FGGY: variants seen among roughly 807,000 people sequenced by gnomAD.
The protein encoded by FGGY is FGGY carbohydrate kinase domain containing.
In FGGY, 72 loss-of-function variants were observed where a neutral mutation model predicts 71.3. The observed-to-expected ratio is 1.01, with a 90% CI of 0.84 to 1.23. The LOEUF is 1.23. Ranked by LOEUF, FGGY falls within the 50% of genes most tolerant of loss-of-function variation. The probability of loss-of-function intolerance (pLI) is 0.00; values close to 1 mark genes in which losing one functional copy is unlikely to be tolerated. For synonymous variants in FGGY, 251 were observed against 250.3 expected, an observed-to-expected ratio of 1.00 and a Z score of -0.02; for missense variants, 668 against 682.3, an observed-to-expected ratio of 0.98 and a Z score of 0.23.
intron 6 of FGGY, among the ~76,000 whole-genome samples, chr1:59,460,285 C>G (rs1261600879): frequency 6.6e-6 from 1 of 152,156 alleles, no homozygotes; most frequent in Admixed American, 6.5e-5. Context: ...GCCCAGGGAG[C>G]CTTGCTCTCA....
At chr1:59,564,499 T>G (rs540785766) in intron 8 of FGGY, among the ~76,000 whole-genome samples, 1 of 152,220 alleles carries the variant, frequency 6.6e-6, no homozygotes, top group Non-Finnish European at 1.5e-5. Context: ...GGGGGGCCCA[T>G]GTTTCATCCA....
intron 8 of FGGY, among the ~76,000 whole-genome samples, chr1:59,581,983 G>A (rs7523439): frequency 0.16 from 23,879 of 149,490 alleles, 3,486 homozygotes; most frequent in South Asian, 0.31. Context: ...AAACCCAAAA[G>A]GAGCTTTAAA....
chr1:59,756,360 T>C (rs1269385558), intron 14 of FGGY, among the ~76,000 whole-genome samples: 54 of 152,330 alleles, frequency 3.5e-4, no homozygotes, highest in Non-Finnish European at 2.9e-5. Context: ...AGAATGCACA[T>C]GCTATCCTTG....
intron 6 of FGGY, among the ~76,000 whole-genome samples, chr1:59,497,599 G>C (rs7525570): frequency 0.043 from 6,543 of 151,948 alleles, 486 homozygotes; most frequent in African/African-American, 0.15. Flanking sequence ...AACAAACAAA[G>C]AAACAAAAAA....
chr1:59,536,714 A>T (rs1352378256), intron 7 of FGGY, among the ~76,000 whole-genome samples: 1 of 152,210 alleles, frequency 6.6e-6, no homozygotes, highest in Non-Finnish European at 1.5e-5. Context: ...TAAATCAAAA[A>T]ATATAATCCA....
chr1:59,500,633 A>C (rs2094193573), intron 6 of FGGY, among the ~76,000 whole-genome samples: 1 of 133,282 alleles, frequency 7.5e-6, no homozygotes, highest in Admixed American at 9.5e-5. Flanking sequence ...CTAAGATCAC[A>C]CTCTTCATTG....
At chr1:59,388,876 T>A (rs2060380786) in intron 5 of FGGY, among the ~76,000 whole-genome samples, 1 of 152,154 alleles carries the variant, frequency 6.6e-6, no homozygotes, top group Non-Finnish European at 1.5e-5. Flanking sequence ...CCACTATCTA[T>A]TTCTAAAACT....
intron 9 of FGGY, among the ~76,000 whole-genome samples, chr1:59,614,070 C>G (rs1572113596): frequency 2.6e-5 from 4 of 152,160 alleles, no homozygotes. Context: ...ACCAGAGGTA[C>G]AAGGAGGAAC....
At chr1:59,492,951 A>G (rs527799722) in intron 6 of FGGY, among the ~76,000 whole-genome samples, 2 of 152,182 alleles carry the variant, frequency 1.3e-5, no homozygotes, top group East Asian at 1.9e-4. Flanking sequence ...TAAATTGGTT[A>G]CCATTTATCT....
intron 7 of FGGY, among the ~76,000 whole-genome samples, chr1:59,516,733 C>T (rs554621833): frequency 6.6e-6 from 1 of 152,292 alleles, no homozygotes; most frequent in Non-Finnish European, 1.5e-5. Flanking sequence ...TTGGAATTGC[C>T]ACCCAGGAAG....
intron 1 of FGGY, among the ~76,000 whole-genome samples, chr1:59,307,206 C>T (rs570509317): frequency 2.0e-5 from 3 of 149,666 alleles, no homozygotes; most frequent in Admixed American, 6.7e-5. Flanking sequence ...CCCAGCTACT[C>T]GTGAGGCTGT....
chr1:59,655,958 G>T (rs74086277), intron 11 of FGGY, among the ~76,000 whole-genome samples: 11,895 of 152,090 alleles, frequency 0.078, 1,257 homozygotes, highest in African/African-American at 0.24. Context: ...GGCATACACC[G>T]CTAACCTCGA....
intron 14 of FGGY, among the ~76,000 whole-genome samples, chr1:59,752,473 C>T (rs2098253880): frequency 6.6e-6 from 1 of 152,152 alleles, no homozygotes; most frequent in South Asian, 2.1e-4. Flanking sequence ...GACAGTCTTC[C>T]CCAAAAGGCT....
chr1:59,548,867 A>G (rs184878286), intron 7 of FGGY, among the ~76,000 whole-genome samples: 190 of 152,306 alleles, frequency 1.2e-3, no homozygotes, highest in Non-Finnish European at 2.4e-3. Flanking sequence ...TAACATATAT[A>G]ATTTTTATAA....
intron 1 of FGGY, among the ~76,000 whole-genome samples, chr1:59,307,048 C>T (rs1312108611): frequency 6.6e-6 from 1 of 152,094 alleles, no homozygotes; most frequent in Non-Finnish European, 1.5e-5. Context: ...AGCACGGTGG[C>T]TCATGTCTGT....
chr1:59,615,543 CT>C (rs1414732014), intron 9 of FGGY, among the ~76,000 whole-genome samples: 1 of 152,120 alleles, frequency 6.6e-6, no homozygotes, highest in Non-Finnish European at 1.5e-5. Flanking sequence ...CATAAAAACC[CT>C]AGAAGAAAAC....
chr1:59,700,989 T>C (rs1382873012), intron 14 of FGGY, among the ~76,000 whole-genome samples: 3 of 152,280 alleles, frequency 2.0e-5, no homozygotes, highest in African/African-American at 4.8e-5. Flanking sequence ...GTAAGGAGAA[T>C]ACTGTGGGGC....
At chr1:59,493,132 A>ACACACAC (rs1200996976) in intron 6 of FGGY, among the ~76,000 whole-genome samples, 24 of 54,870 alleles carry the variant, frequency 4.4e-4, no homozygotes, top group Non-Finnish European at 9.5e-4. Context: ...CACACACACA[A>ACACACAC]AACAGAAAGT....
intron 5 of FGGY, among the ~76,000 whole-genome samples, chr1:59,430,686 G>A (rs1011897333): frequency 4.6e-5 from 7 of 152,080 alleles, no homozygotes; most frequent in Admixed American, 1.3e-4. Flanking sequence ...GATGGTACAC[G>A]TTTTCCATTT....
Sources: allele counts gnomAD v4.1 joint callset (sites outside exome capture counted in the v4.1 genomes callset), GRCh38; gene constraint gnomAD v4.1.1; transcripts MANE v1.5; gene names NCBI Gene and HGNC (gene_info 2026-07-23, HGNC 2026-07-21).